The following ERBB4 variants were observed in gnomAD, a reference collection of about 807,000 sequenced individuals.
ERBB4 encodes the protein erb-b2 receptor tyrosine kinase 4.
Under a neutral mutation model 158.0 loss-of-function variants are expected in ERBB4, and 42 were observed. That is an observed-to-expected ratio of 0.27 (90% confidence interval 0.21 to 0.34). The LOEUF (loss-of-function observed/expected upper bound fraction) is 0.34. Ranked by LOEUF, ERBB4 falls within the 10% of genes least tolerant of loss-of-function variation. ERBB4 has a pLI of 1.00. For synonymous variants in ERBB4, 583 were observed against 558.7 expected, an observed-to-expected ratio of 1.04 and a Z score of -0.61; for missense variants, 1,333 against 1,624.1, an observed-to-expected ratio of 0.82 and a Z score of 3.08.
At chr2:211,879,263 G>A (rs749985522) in intron 3 of ERBB4, among the ~76,000 whole-genome samples, 1 of 151,674 alleles carries the variant, frequency 6.6e-6, no homozygotes, top group African/African-American at 2.4e-5. Flanking sequence ...AAACATATTT[G>A]CAACATTAAT....
chr2:211,888,774 A>G (rs1184918159), intron 3 of ERBB4, among the ~76,000 whole-genome samples: 1 of 151,950 alleles, frequency 6.6e-6, no homozygotes, highest in East Asian at 1.9e-4. Flanking sequence ...TTCCGAGTCA[A>G]AGAAAGGGGT....
intron 1 of ERBB4, among the ~76,000 whole-genome samples, chr2:212,382,822 TATC>T (rs753952250): frequency 2.6e-5 from 4 of 151,424 alleles, no homozygotes; most frequent in Middle Eastern, 3.4e-3. Context: ...TTAAACAATT[TATC>T]ATGTTTTTTC....
At chr2:212,198,369 A>G (rs2082492480) in intron 1 of ERBB4, among the ~76,000 whole-genome samples, 1 of 152,150 alleles carries the variant, frequency 6.6e-6, no homozygotes, top group South Asian at 2.1e-4. Context: ...ATAACTTCCC[A>G]TTCTCATTCC....
At chr2:211,667,875 C>CT (rs143552545) in intron 14 of ERBB4, among the ~76,000 whole-genome samples, 3,240 of 152,046 alleles carry the variant, frequency 0.021, 113 homozygotes, top group African/African-American at 0.075. Flanking sequence ...AGATAAATAA[C>CT]TTTTTGTTCT....
intron 3 of ERBB4, among the ~76,000 whole-genome samples, chr2:211,830,605 AC>A (rs2077198620): frequency 6.6e-6 from 1 of 152,186 alleles, no homozygotes; most frequent in African/African-American, 2.4e-5. Flanking sequence ...AAATAAATTA[AC>A]GTTGAATACT....
chr2:212,446,604 T>C (rs1165763949), intron 1 of ERBB4, among the ~76,000 whole-genome samples: 1 of 27,442 alleles, frequency 3.6e-5, no homozygotes. Context: ...TATATATATA[T>C]ATATATATAT....
intron 1 of ERBB4, among the ~76,000 whole-genome samples, chr2:212,195,888 A>T (rs992149809): frequency 4.6e-5 from 7 of 152,148 alleles, no homozygotes; most frequent in African/African-American, 1.7e-4. Context: ...TTATGTCATA[A>T]TTGAGGAATA....
At chr2:211,411,120 G>A (rs2063250166) in intron 25 of ERBB4, among the ~76,000 whole-genome samples, 1 of 152,172 alleles carries the variant, frequency 6.6e-6, no homozygotes, top group Non-Finnish European at 1.5e-5. Flanking sequence ...TGTTGGCCAG[G>A]ATGGTCTCCA....
At chr2:211,724,243 A>G (rs1575053897) in intron 6 of ERBB4, among the ~76,000 whole-genome samples, 1 of 152,162 alleles carries the variant, frequency 6.6e-6, no homozygotes, top group East Asian at 1.9e-4. Flanking sequence ...TAGAATGAGT[A>G]TAGAAGATTA....
intron 3 of ERBB4, among the ~76,000 whole-genome samples, chr2:211,946,576 CTTTTTTTTTTT>C (rs56007115): frequency 3.8e-4 from 19 of 49,568 alleles, no homozygotes; most frequent in African/African-American, 1.4e-3. Flanking sequence ...AATTAGCTCT[CTTTTTTTTTTT>C]TTTTTTTTTT....
chr2:211,532,479 A>G (rs1435255387), intron 20 of ERBB4, among the ~76,000 whole-genome samples: 7 of 152,092 alleles, frequency 4.6e-5, no homozygotes, highest in Non-Finnish European at 1.0e-4. Context: ...TTTATAATTT[A>G]TGGTTTTAAT....
chr2:211,518,932 C>T (rs2066114908), intron 20 of ERBB4, among the ~76,000 whole-genome samples: 1 of 152,094 alleles, frequency 6.6e-6, no homozygotes, highest in Admixed American at 6.5e-5. Flanking sequence ...GAATTTCCAT[C>T]TTCCCTAAAA....
intron 1 of ERBB4, among the ~76,000 whole-genome samples, chr2:212,407,382 C>A (rs1166529710): frequency 3.3e-5 from 5 of 152,052 alleles, no homozygotes; most frequent in South Asian, 2.1e-4. Flanking sequence ...TCATAACAAT[C>A]TAATCAATAC....
chr2:211,882,585 C>A (rs976822048), intron 3 of ERBB4, among the ~76,000 whole-genome samples: 3 of 152,130 alleles, frequency 2.0e-5, no homozygotes, highest in African/African-American at 7.2e-5. Context: ...ACGAGAGGCA[C>A]AGCAATGTTC....
intron 1 of ERBB4, among the ~76,000 whole-genome samples, chr2:212,333,421 A>G (rs1222806403): frequency 1.3e-5 from 2 of 151,776 alleles, no homozygotes. Context: ...GCTAATGTAT[A>G]TAATTTCAAC....
intron 1 of ERBB4, among the ~76,000 whole-genome samples, chr2:212,216,908 T>C (rs981904459): frequency 2.6e-5 from 4 of 151,394 alleles, no homozygotes; most frequent in African/African-American, 9.7e-5. Context: ...TATAATCTTA[T>C]ATCCATTCTA....
At chr2:211,633,482 A>ATTTTTT (rs3068983) in intron 16 of ERBB4, among the ~76,000 whole-genome samples, 1 of 127,224 alleles carries the variant, frequency 7.9e-6, no homozygotes, top group African/African-American at 2.9e-5. Flanking sequence ...GTATTTTCTA[A>ATTTTTT]TTTTTTTTTT....
intron 3 of ERBB4, among the ~76,000 whole-genome samples, chr2:211,866,524 C>T (rs374281485): frequency 1.3e-4 from 20 of 152,106 alleles, no homozygotes; most frequent in South Asian, 4.1e-4. Flanking sequence ...AAGGAGAAAT[C>T]GAAGCTAAGT....
chr2:212,473,305 G>C (rs932206137), intron 1 of ERBB4, among the ~76,000 whole-genome samples: 2 of 151,884 alleles, frequency 1.3e-5, no homozygotes, highest in Admixed American at 6.6e-5. Context: ...GATGACTACT[G>C]TTGTCTTTAT....
Sources: gnomAD v4.1 joint callset for allele counts (sites outside exome capture counted in the v4.1 genomes callset) on GRCh38, gnomAD v4.1.1 for gene constraint, MANE v1.5 for transcripts, NCBI Gene and HGNC (gene_info 2026-07-23, HGNC 2026-07-21) for gene names.